Variants in MPRIP observed in about 807,000 individuals in gnomAD.
MPRIP encodes myosin phosphatase Rho interacting protein, also known as myosin phosphatase Rho-interacting protein.
A neutral mutation model predicts 234.9 loss-of-function variants in MPRIP; 59 were observed. That is an observed-to-expected ratio of 0.25 (90% CI 0.20 to 0.31). MPRIP has a LOEUF of 0.31. MPRIP is among the 10% of genes least tolerant of loss of function. The pLI is 1.00. For synonymous variants in MPRIP, 1,144 were observed against 1,263.9 expected, an observed-to-expected ratio of 0.91 and a Z score of 2.01; for missense variants, 2,436 against 3,071.0, an observed-to-expected ratio of 0.79 and a Z score of 4.89.
At chr17:17,064,443 C>T (rs1798607399) in intron 1 of MPRIP, among the ~76,000 whole-genome samples, 1 of 152,128 alleles carries the variant, frequency 6.6e-6, no homozygotes, top group South Asian at 2.1e-4. Flanking sequence ...CCATGTACCC[C>T]TTTGCCCAGG....
At chr17:17,142,503 C>A in intron 7 of MPRIP, 124 bp from the exon 8 acceptor site, 1 of 1,169,740 alleles carries the variant, frequency 8.5e-7, no homozygotes, top group Non-Finnish European at 1.2e-6. Context: ...TCTAGACAAC[C>A]TCGGTGCTGT....
At chr17:17,070,578 A>G (rs1367697176) in intron 1 of MPRIP, among the ~76,000 whole-genome samples, 1 of 152,030 alleles carries the variant, frequency 6.6e-6, no homozygotes, top group Non-Finnish European at 1.5e-5. Flanking sequence ...CAGTTACCGT[A>G]TTTTTCAATT....
At chr17:17,099,064 G>C (rs1027476520) in intron 3 of MPRIP, among the ~76,000 whole-genome samples, 1 of 152,116 alleles carries the variant, frequency 6.6e-6, no homozygotes, top group African/African-American at 2.4e-5. Flanking sequence ...AGGGCAAAGG[G>C]TCGATGTGCA....
At chr17:17,094,184 G>C (rs1051093703) in intron 3 of MPRIP, among the ~76,000 whole-genome samples, 9 of 152,136 alleles carry the variant, frequency 5.9e-5, no homozygotes, top group African/African-American at 2.2e-4. Context: ...AACCTCTTGA[G>C]AAATGCACAG....
At chr17:17,074,545 A>G (rs778787779) in intron 1 of MPRIP, among the ~76,000 whole-genome samples, 21 of 152,248 alleles carry the variant, frequency 1.4e-4, no homozygotes, top group Non-Finnish European at 2.5e-4. Context: ...GAGTTTTAGC[A>G]TATTTACAAT....
intron 8 of MPRIP, 111 bp downstream of exon 8, chr17:17,142,876 TTC>T: frequency 1.6e-6 from 2 of 1,266,306 alleles, no homozygotes; most frequent in Non-Finnish European, 2.2e-6. Context: ...CCTGCCAGGC[TTC>T]TCTCCAACCA....
intron 3 of MPRIP, among the ~76,000 whole-genome samples, chr17:17,105,833 G>T (rs2090052655): frequency 6.6e-6 from 1 of 152,136 alleles, no homozygotes; most frequent in Admixed American, 6.5e-5. Flanking sequence ...TAATAGTTTT[G>T]ATCTTTATTT....
chr17:17,081,029 T>C (rs2089450526), intron 3 of MPRIP, among the ~76,000 whole-genome samples: 1 of 152,134 alleles, frequency 6.6e-6, no homozygotes, highest in South Asian at 2.1e-4. Flanking sequence ...TGCAAAGCAA[T>C]CCCTACCTGG....
chr17:17,067,426 A>G (rs1191498794), intron 1 of MPRIP, among the ~76,000 whole-genome samples: 4 of 152,242 alleles, frequency 2.6e-5, no homozygotes, highest in East Asian at 1.9e-4. Context: ...GGGCAGGTAG[A>G]GTATACAGCG....
At chr17:17,064,878 T>C (rs932827105) in intron 1 of MPRIP, among the ~76,000 whole-genome samples, 2 of 152,162 alleles carry the variant, frequency 1.3e-5, no homozygotes, top group African/African-American at 4.8e-5. Flanking sequence ...TATCCAGGAG[T>C]GCAGTTCCTA....
At chr17:17,060,094 C>T (rs796306781) in intron 1 of MPRIP, among the ~76,000 whole-genome samples, 10 of 152,318 alleles carry the variant, frequency 6.6e-5, no homozygotes, top group African/African-American at 1.2e-4. Context: ...CCCCAATCTC[C>T]GCCAGCTTCC....
At chr17:17,118,386 A>C (rs1453523888) in intron 3 of MPRIP, among the ~76,000 whole-genome samples, 1 of 152,200 alleles carries the variant, frequency 6.6e-6, no homozygotes, top group Non-Finnish European at 1.5e-5. Flanking sequence ...TGTAGCATGC[A>C]GGTTTCATGT....
At chr17:17,146,132 G>A (rs1382561746) in intron 10 of MPRIP, 40 bp downstream of exon 10, 1 of 1,593,300 alleles carries the variant, frequency 6.3e-7, no homozygotes, top group Non-Finnish European at 8.6e-7. Flanking sequence ...AGGGATCTGG[G>A]GACAGGGTGA....
chr17:17,116,510 G>A (rs533051067), intron 3 of MPRIP, among the ~76,000 whole-genome samples: 1 of 152,314 alleles, frequency 6.6e-6, no homozygotes, highest in Admixed American at 6.5e-5. Flanking sequence ...ATGGTTCTGG[G>A]GCTGTTCCTG....
chr17:17,094,128 T>G (rs1336059540), intron 3 of MPRIP, among the ~76,000 whole-genome samples: 8 of 151,430 alleles, frequency 5.3e-5, no homozygotes, highest in South Asian at 2.1e-4. Context: ...TTTTGTGGGG[T>G]TTTTTTTGGT....
rs1376151219 is a variant in MPRIP at position 17,158,814 on chromosome 17, C to G, written c.2212C>G (p.Pro738Ala). The G allele has an allele frequency of 9.3e-6, 15 of 1,611,626 alleles. No homozygotes were observed. Among genetic ancestry groups the G allele is most frequent in the Non-Finnish European group, 1.0e-5 (12 of 1,179,918 alleles). Residue 738 changes from proline (P) to alanine (A), a missense_variant, in exon 14 of 24, where the codon CCA becomes GCA. Transcript: ENST00000651222. ...AALRMEVDRS[P>A]GLPMSDLKTH... ...CCTGCGCATGGAGGTGGACCGGAGC[C>G]CAGGGCTGCCTATGAGCGACCTCAA...
chr17:17,045,449 G>A (rs1452216060), intron 1 of MPRIP, among the ~76,000 whole-genome samples: 6 of 152,146 alleles, frequency 3.9e-5, no homozygotes, highest in African/African-American at 7.2e-5. Context: ...TCCTCTTACC[G>A]GTGAGAAGAT....
intron 16 of MPRIP, among the ~76,000 whole-genome samples, chr17:17,169,310 C>T (rs564318301): frequency 6.6e-6 from 1 of 152,310 alleles, no homozygotes; most frequent in Admixed American, 6.5e-5. Context: ...GCTTCCCAGA[C>T]AATCAGCAGG....
intron 3 of MPRIP, among the ~76,000 whole-genome samples, chr17:17,110,560 C>A (rs1372239218): frequency 6.6e-6 from 1 of 152,130 alleles, no homozygotes; most frequent in African/African-American, 2.4e-5. Context: ...TTCCAGAGAG[C>A]ACAGGGGTGG....
Sources: allele counts gnomAD v4.1 joint callset (sites outside exome capture counted in the v4.1 genomes callset), GRCh38; gene constraint gnomAD v4.1.1; transcripts MANE v1.5; gene names NCBI Gene and HGNC (gene_info 2026-07-23, HGNC 2026-07-21).